Variants in AGMO observed in about 807,000 individuals in gnomAD.
AGMO encodes alkylglycerol monooxygenase.
In AGMO, 75 loss-of-function variants were observed where a neutral mutation model predicts 60.2. That is an observed-to-expected ratio of 1.25 (90% CI 1.03 to 1.51). AGMO has a LOEUF of 1.51. Ranked by LOEUF, AGMO falls within the 40% of genes most tolerant of loss-of-function variation. The pLI is 0.00. For synonymous variants in AGMO, 261 were observed against 177.1 expected (o/e 1.47, Z -3.76); for missense variants, 763 against 525.5 (o/e 1.45, Z -4.42).
intron 12 of AGMO, among the ~76,000 whole-genome samples, chr7:15,291,484 G>A (rs1215692048): frequency 6.6e-6 from 1 of 151,950 alleles, no homozygotes; most frequent in Non-Finnish European, 1.5e-5. Flanking sequence ...TTTTAAATTT[G>A]GAAAGTATTC....
At chr7:15,560,038 A>G (rs867960643) in intron 2 of AGMO, 103 bp downstream of exon 2, 5 of 1,186,816 alleles carry the variant, frequency 4.2e-6, no homozygotes, top group Non-Finnish European at 4.5e-6. Context: ...TTTTGGGAAA[A>G]TTTGTGTAAA....
intron 12 of AGMO, among the ~76,000 whole-genome samples, chr7:15,358,930 T>C (rs1782646729): frequency 6.6e-6 from 1 of 152,188 alleles, no homozygotes; most frequent in Admixed American, 6.5e-5. Context: ...ATTTTAACAA[T>C]GGCATTAAGA....
chr7:15,259,245 T>TA (rs1159018191), intron 12 of AGMO, among the ~76,000 whole-genome samples: 9 of 151,796 alleles, frequency 5.9e-5, no homozygotes, highest in African/African-American at 9.7e-5. Flanking sequence ...AGCATGCACT[T>TA]AGAGAAATGC....
At chr7:15,286,428 T>C (rs1784101729) in intron 12 of AGMO, among the ~76,000 whole-genome samples, 2 of 152,002 alleles carry the variant, frequency 1.3e-5, no homozygotes, top group Non-Finnish European at 2.9e-5. Context: ...AAATAGACAT[T>C]TCTCAAAAGA....
At chr7:15,499,526 G>T (rs1360999568) in intron 3 of AGMO, among the ~76,000 whole-genome samples, 1 of 151,698 alleles carries the variant, frequency 6.6e-6, no homozygotes, top group Non-Finnish European at 1.5e-5. Flanking sequence ...GAGAAAACTG[G>T]CACTCTCATG....
At chr7:15,231,738 G>A (rs1458545468) in intron 12 of AGMO, among the ~76,000 whole-genome samples, 1 of 152,094 alleles carries the variant, frequency 6.6e-6, no homozygotes, top group Non-Finnish European at 1.5e-5. Flanking sequence ...GTCTTGCAGC[G>A]TTCTGTGAGG....
chr7:15,237,480 G>A (rs534561402), intron 12 of AGMO, among the ~76,000 whole-genome samples: 2 of 151,974 alleles, frequency 1.3e-5, no homozygotes, highest in African/African-American at 4.8e-5. Context: ...GTTAGACCTA[G>A]AGAGTGTTTT....
At chr7:15,542,217 C>A (rs1240796396) in intron 3 of AGMO, among the ~76,000 whole-genome samples, 1 of 152,064 alleles carries the variant, frequency 6.6e-6, no homozygotes, top group Admixed American at 6.5e-5. Flanking sequence ...TTTTTTCCTA[C>A]TAGCTTTCCA....
intron 7 of AGMO, 44 bp downstream of exon 7, chr7:15,390,795 TA>T: frequency 6.5e-7 from 1 of 1,537,866 alleles, no homozygotes; most frequent in South Asian, 1.1e-5. Flanking sequence ...TCCTGTAAAG[TA>T]AAGGAGCTGA....
At chr7:15,403,121 G>A (rs1339122573) in intron 5 of AGMO, among the ~76,000 whole-genome samples, 1 of 151,862 alleles carries the variant, frequency 6.6e-6, no homozygotes, top group Non-Finnish European at 1.5e-5. Flanking sequence ...CTATTTCGCA[G>A]TAGAGATATT....
At chr7:15,171,818 G>C in the AGMO span, among the ~76,000 whole-genome samples, 1 of 152,064 alleles carries the variant, frequency 6.6e-6, no homozygotes, top group Non-Finnish European at 1.5e-5. Flanking sequence ...AGAAACTTGA[G>C]AAATTTGGGG....
chr7:15,207,041 G>C (rs540008355), intron 12 of AGMO, among the ~76,000 whole-genome samples: 40 of 152,240 alleles, frequency 2.6e-4, no homozygotes, highest in South Asian at 4.1e-4. Context: ...GCCTAAGAAA[G>C]TGTGCATCCT....
At chr7:15,310,589 T>C (rs1449719503) in intron 12 of AGMO, among the ~76,000 whole-genome samples, 1 of 152,184 alleles carries the variant, frequency 6.6e-6, no homozygotes, top group Non-Finnish European at 1.5e-5. Flanking sequence ...ATTTGGAAAT[T>C]ATATTTTTGT....
At chr7:15,404,058 G>A (rs1400886071) in intron 5 of AGMO, among the ~76,000 whole-genome samples, 1 of 151,826 alleles carries the variant, frequency 6.6e-6, no homozygotes, top group Non-Finnish European at 1.5e-5. Flanking sequence ...CCACACTAAG[G>A]AGTGAAAAAA....
intron 5 of AGMO, among the ~76,000 whole-genome samples, chr7:15,414,048 C>T (rs1020872888): frequency 2.0e-5 from 3 of 152,126 alleles, no homozygotes; most frequent in Admixed American, 6.6e-5. Flanking sequence ...CACTCTGTCA[C>T]CCAGGCTGGA....
chr7:15,316,683 A>G (rs1780935060), intron 12 of AGMO, among the ~76,000 whole-genome samples: 1 of 152,192 alleles, frequency 6.6e-6, no homozygotes, highest in Non-Finnish European at 1.5e-5. Flanking sequence ...TTACTGTAAA[A>G]TAAGTTAAAT....
intron 3 of AGMO, among the ~76,000 whole-genome samples, chr7:15,544,439 T>C (rs1369411606): frequency 1.3e-5 from 2 of 152,132 alleles, no homozygotes; most frequent in Admixed American, 1.3e-4. Flanking sequence ...GTTTGGGTTC[T>C]GACTAATAAA....
At chr7:15,217,076 C>T (rs1018098811) in intron 12 of AGMO, among the ~76,000 whole-genome samples, 2 of 151,702 alleles carry the variant, frequency 1.3e-5, no homozygotes, top group Non-Finnish European at 2.9e-5. Context: ...CTATGGAAAA[C>T]GAGAAGGTGA....
chr7:15,509,001 AAACT>A (rs1783602677), intron 3 of AGMO, among the ~76,000 whole-genome samples: 1 of 152,224 alleles, frequency 6.6e-6, no homozygotes, highest in African/African-American at 2.4e-5. Context: ...GCTTATTTGG[AAACT>A]ATCCCTTACA....
Sources: gnomAD v4.1 joint callset for allele counts (sites outside exome capture counted in the v4.1 genomes callset) on GRCh38, gnomAD v4.1.1 for gene constraint, MANE v1.5 for transcripts, NCBI Gene and HGNC (gene_info 2026-07-23, HGNC 2026-07-21) for gene names.